The following FAM204A variants were observed in gnomAD, a reference collection of about 807,000 sequenced individuals.
The protein encoded by FAM204A is protein FAM204A.
FAM204A carries 16 observed loss-of-function variants against 35.4 expected under a neutral mutation model. The ratio of observed to expected loss-of-function variants is 0.45; its 90% CI spans 0.31 to 0.69. The LOEUF (loss-of-function observed/expected upper bound fraction) is 0.69, where lower values mean the gene tolerates loss of function less well. Ranked by LOEUF, FAM204A falls within the 30% of genes least tolerant of loss-of-function variation. FAM204A has a pLI of 0.07. For synonymous variants in FAM204A, 76 were observed against 86.9 expected (o/e 0.88, Z 0.70); for missense variants, 240 against 265.7 (o/e 0.90, Z 0.67).
At chr10:118,340,202 A>G (rs1032826259) in intron 2 of FAM204A, among the ~76,000 whole-genome samples, 2 of 152,206 alleles carry the variant, frequency 1.3e-5, no homozygotes, top group African/African-American at 4.8e-5. Context: ...TTTTTATCAG[A>G]AAAAAACATT....
chr10:118,300,014 C>T lies in FAM204A; in HGVS notation c.*10843G>A, dbSNP rs1285435269. 1 of 152,152 alleles carries T rather than the reference C, an allele frequency of 6.6e-6. No homozygotes were observed. Among genetic ancestry groups the T allele is most frequent in the Non-Finnish European group, 1.5e-5 (1 of 68,030 alleles). The allele number at this position is 152,152 out of a possible 1,614,324, so 9.4% of individuals were successfully genotyped here. ...TGATTATAGAGGAACAAAGTAGCAACTGTATTGAGGACCGTCCATGACAGC... is the reference window on the plus strand; with the variant it reads ...TGATTATAGAGGAACAAAGTAGCAATTGTATTGAGGACCGTCCATGACAGC... On this transcript the variant is annotated 3_prime_UTR_variant, in exon 9 of 9. Coordinates refer to ENST00000369183, the MANE Select transcript of FAM204A (RefSeq NM_022063.3).
chr10:118,312,881 GT>G (rs1845975384), intron 7 of FAM204A, among the ~76,000 whole-genome samples: 1 of 152,204 alleles, frequency 6.6e-6, no homozygotes, highest in Non-Finnish European at 1.5e-5. Context: ...AGTGAAACGG[GT>G]TGTTTTCAAA....
chr10:118,321,826 A>C (rs1190079571), intron 7 of FAM204A, among the ~76,000 whole-genome samples: 2 of 151,988 alleles, frequency 1.3e-5, no homozygotes, highest in Non-Finnish European at 2.9e-5. Context: ...AACAGCTTCA[A>C]ACTGCACATA....
intron 6 of FAM204A, among the ~76,000 whole-genome samples, chr10:118,328,594 G>A (rs1252339114): frequency 6.6e-6 from 1 of 151,028 alleles, no homozygotes; most frequent in East Asian, 2.0e-4. Flanking sequence ...CTGGGTTCAA[G>A]CGATTCCCCT....
intron 5 of FAM204A, 36 bp downstream of exon 5, chr10:118,335,360 G>T: frequency 6.3e-7 from 1 of 1,576,252 alleles, no homozygotes; most frequent in South Asian, 1.2e-5. Context: ...TTTCTACAAT[G>T]GCCTAAAATA....
chr10:118,302,061 A>G lies in FAM204A; in HGVS notation c.*8796T>C, dbSNP rs1220784535. On this transcript the variant is annotated 3_prime_UTR_variant, in exon 9 of 9. Coordinates refer to ENST00000369183, the MANE Select transcript of FAM204A (RefSeq NM_022063.3). Reference sequence around the variant, plus strand: ...GAATTCACGTCTGGCCTGGCGCCTGAGCACTTGCATCTCTATATTTCCTAG... The same window carrying G: ...GAATTCACGTCTGGCCTGGCGCCTGGGCACTTGCATCTCTATATTTCCTAG... 1.3e-5 allele frequency: 2 copies of G among 152,350 alleles called. No homozygotes were observed. Among genetic ancestry groups the G allele is most frequent in the Non-Finnish European group, 2.9e-5 (2 of 68,068 alleles). The allele number at this position is 152,350 out of a possible 1,614,324, so 9.4% of individuals were successfully genotyped here.
At chr10:118,330,004 C>G (rs1846265088) in intron 6 of FAM204A, among the ~76,000 whole-genome samples, 1 of 152,250 alleles carries the variant, frequency 6.6e-6, no homozygotes, top group South Asian at 2.1e-4. Flanking sequence ...AGAATATATA[C>G]ATTCCTCAAG....
intron 7 of FAM204A, among the ~76,000 whole-genome samples, chr10:118,311,919 G>A (rs758668456): frequency 1.4e-4 from 22 of 152,156 alleles, no homozygotes; most frequent in Non-Finnish European, 2.6e-4. Context: ...AGTGTCCCCT[G>A]TGCAGGGCCC....
intron 7 of FAM204A, among the ~76,000 whole-genome samples, chr10:118,317,681 A>T (rs1324883286): frequency 6.6e-6 from 1 of 152,056 alleles, no homozygotes; most frequent in African/African-American, 2.4e-5. Flanking sequence ...GATGTAAAGA[A>T]ATTCATCCAG....
At chr10:118,317,521 C>T (rs1017256784) in intron 7 of FAM204A, among the ~76,000 whole-genome samples, 10 of 151,816 alleles carry the variant, frequency 6.6e-5, no homozygotes, top group Non-Finnish European at 1.2e-4. Context: ...AGAAAATATC[C>T]TCAATGTAAT....
At chr10:118,316,371 A>G (rs965646277) in intron 7 of FAM204A, among the ~76,000 whole-genome samples, 4 of 152,144 alleles carry the variant, frequency 2.6e-5, no homozygotes, top group African/African-American at 7.2e-5. Context: ...CAAGACATCT[A>G]CATTTGAACT....
chr10:118,332,254 GGGTTTA>G (rs1175442866), intron 6 of FAM204A, among the ~76,000 whole-genome samples: 1 of 150,990 alleles, frequency 6.6e-6, no homozygotes, highest in Admixed American at 6.6e-5. Flanking sequence ...CAAATGACTT[GGGTTTA>G]AAGTCTCATT....
At chr10:118,314,926 A>G (rs995971226) in intron 7 of FAM204A, among the ~76,000 whole-genome samples, 1 of 152,120 alleles carries the variant, frequency 6.6e-6, no homozygotes, top group Non-Finnish European at 1.5e-5. Flanking sequence ...TTTTATCACC[A>G]TATTTCAGGA....
intron 6 of FAM204A, among the ~76,000 whole-genome samples, chr10:118,333,622 G>A (rs971184009): frequency 6.6e-6 from 1 of 152,052 alleles, no homozygotes; most frequent in South Asian, 2.1e-4. Context: ...TGCAAGAATC[G>A]GGCTTCACTA....
At position 118,300,479 on chromosome 10, in the gene FAM204A, C is replaced by T. The variant is rs1845796770; in HGVS notation, c.*10378G>A. ...AATACAGTCATGAAAATTGAATGGC[C>T]CATTAGATCATGGTGGTGTAGCCTA... On this transcript the variant is annotated 3_prime_UTR_variant, in exon 9 of 9. Transcript: ENST00000369183. 6.6e-6 allele frequency: 1 copy of T among 152,048 alleles called. No homozygotes were observed. The highest frequency in any genetic ancestry group is 1.5e-5 in the Non-Finnish European group (1 of 68,018). 9.4% of individuals were successfully genotyped at this position (152,048 alleles called of 1,614,324 possible). A position where few individuals can be genotyped will look rare whatever the true frequency, so the allele number is the denominator to read the frequency against.
Position 118,308,088 on chromosome 10 carries a change from G to A in FAM204A, c.*2769C>T, listed in dbSNP as rs1466911751. The A allele has an allele frequency of 6.6e-6, 1 of 152,186 alleles. No homozygotes were observed. The highest frequency in any genetic ancestry group is 6.5e-5 in the Admixed American group (1 of 15,278). 9.4% of individuals were successfully genotyped at this position (152,186 alleles called of 1,614,324 possible). A position where few individuals can be genotyped will look rare whatever the true frequency, so the allele number is the denominator to read the frequency against. On this transcript the variant is annotated 3_prime_UTR_variant, in exon 9 of 9. Coordinates refer to ENST00000369183, the MANE Select transcript of FAM204A (RefSeq NM_022063.3). ...AAACATCCTGAGGGCTCCCAAACAA[G>A]AATGCACTGCCAACTTCCCTTTCTC...
chr10:118,323,010 T>C (rs533878072), intron 7 of FAM204A, among the ~76,000 whole-genome samples: 35 of 152,112 alleles, frequency 2.3e-4, no homozygotes, highest in Non-Finnish European at 4.7e-4. Context: ...CCCTGAAGAC[T>C]AGGCTTTCCC....
chr10:118,312,830 T>G (rs1448105963), intron 7 of FAM204A, among the ~76,000 whole-genome samples: 3 of 152,156 alleles, frequency 2.0e-5, no homozygotes, highest in African/African-American at 4.8e-5. Flanking sequence ...AAATGCATAA[T>G]TTTGCCAGGC....
chr10:118,318,452 A>G (rs1006840423), intron 7 of FAM204A, among the ~76,000 whole-genome samples: 3 of 152,014 alleles, frequency 2.0e-5, no homozygotes, highest in Non-Finnish European at 4.4e-5. Context: ...TAAACCCTTA[A>G]AATACATATA....
Sources: gnomAD v4.1 joint callset for allele counts (sites outside exome capture counted in the v4.1 genomes callset) on GRCh38, gnomAD v4.1.1 for gene constraint, MANE v1.5 for transcripts, NCBI Gene and HGNC (gene_info 2026-07-23, HGNC 2026-07-21) for gene names.